Variants in HSDL2 observed in about 807,000 individuals in gnomAD.
HSDL2 encodes hydroxysteroid dehydrogenase-like protein 2.
Under a neutral mutation model 46.3 loss-of-function variants are expected in HSDL2, and 27 were observed. The ratio of observed to expected loss-of-function variants is 0.58; its 90% CI spans 0.43 to 0.80. The LOEUF is 0.80. Ranked by LOEUF, HSDL2 falls within the 30% of genes least tolerant of loss-of-function variation. The pLI, the probability that HSDL2 is intolerant of heterozygous loss-of-function variation, is 0.00. For missense variants in HSDL2, 451 were observed against 502.7 expected, an observed-to-expected ratio of 0.90 and a Z score of 0.98; for synonymous variants, 153 against 163.6, an observed-to-expected ratio of 0.94 and a Z score of 0.50.
chr9:112,438,767 A>T, intron 7 of HSDL2, 142 bp downstream of exon 7: 1 of 560,086 alleles, frequency 1.8e-6, no homozygotes. Context: ...AAGGAAGAAA[A>T]CCCATACCAA....
At chr9:112,436,712 ACTTTT>A (rs1324134535) in intron 6 of HSDL2, among the ~76,000 whole-genome samples, 1 of 152,104 alleles carries the variant, frequency 6.6e-6, no homozygotes, top group Non-Finnish European at 1.5e-5. Context: ...AAATAAATAG[ACTTTT>A]CTTGTTTGAT....
rs542973926 is a variant in HSDL2 at position 112,451,647 on chromosome 9, T to C, written c.866-2366T>C. ...CATGTATATGCATTTGCATATTGTC[T>C]GTCTATACTAGTCAGTTTTCTTTTA... On this transcript the variant is annotated intron_variant, in intron 8 of 10. Coordinates refer to ENST00000398805, the MANE Select transcript of HSDL2 (RefSeq NM_032303.5). 9.2e-5 allele frequency among the ~76,000 whole-genome samples: 14 copies of C among 152,358 alleles called. No individual in the cohort carries two copies. In the South Asian group the frequency reaches 1.9e-3, roughly 20 times the overall value.
chr9:112,387,233 T>C (rs1420609413), intron 1 of HSDL2, among the ~76,000 whole-genome samples: 2 of 151,926 alleles, frequency 1.3e-5, no homozygotes, highest in African/African-American at 4.8e-5. Flanking sequence ...CTTTTTTTTT[T>C]TTTTGAAACA....
rs56082014 is a variant in HSDL2, at chr9:112,382,941, C to CT, written c.17+2776dup. Among the ~76,000 whole-genome samples, 888 of 138,260 alleles carry CT rather than the reference C, an allele frequency of 6.4e-3. 9 individuals carry two copies. Among genetic ancestry groups the CT allele is most frequent in the African/African-American group, 0.02 (749 of 37,522 alleles). The allele number at this position is 138,260 out of a possible 152,430, so 90.7% of individuals were successfully genotyped here. ...TTGCATTTTTGAGTTAAACCAAGAT[C>CT]TTTTTTTTTTTTTTTGAGATGGAGT... On this transcript the variant is annotated intron_variant, in intron 1 of 10. Transcript: ENST00000398805.
intron 10 of HSDL2, among the ~76,000 whole-genome samples, chr9:112,465,602 T>TC (rs1231874971): frequency 6.6e-6 from 1 of 152,234 alleles, no homozygotes; most frequent in Non-Finnish European, 1.5e-5. Flanking sequence ...ATCTGCTTTT[T>TC]CTCTATTGAT....
chr9:112,421,374 A>T (rs1373097077), intron 6 of HSDL2, among the ~76,000 whole-genome samples: 1 of 152,048 alleles, frequency 6.6e-6, no homozygotes, highest in African/African-American at 2.4e-5. Flanking sequence ...ACTTGATTAT[A>T]CTCACATTGG....
At chr9:112,381,481 G>GTAGC (rs1282044764) in intron 1 of HSDL2, among the ~76,000 whole-genome samples, 2 of 152,114 alleles carry the variant, frequency 1.3e-5, no homozygotes, top group Admixed American at 1.3e-4. Context: ...AGCCTCCCGA[G>GTAGC]TAGCTGGGAC....
Position 112,454,074 on chromosome 9 carries a change from T to A in HSDL2, c.927T>A (p.Ala309=). 1.9e-6 allele frequency: 3 copies of A among 1,614,014 alleles called. No homozygotes were observed. The highest frequency in any genetic ancestry group is 2.5e-6 in the Non-Finnish European group (3 of 1,179,848). Reference sequence around the variant, plus strand: ...TGCAACCAAAACCACGTTCTGGAGCTGTGGAAGAAACATTTAGAATTGTTA... The same window carrying A: ...TGCAACCAAAACCACGTTCTGGAGCAGTGGAAGAAACATTTAGAATTGTTA... The part of the protein sequence containing the change: ...LQLQPKPRSG[A]VEETFRIVKD... The change falls in exon 9 of 11, where the codon GCT becomes GCA. Residue 309 remains alanine, a synonymous_variant. Coordinates refer to ENST00000398805, the MANE Select transcript of HSDL2 (RefSeq NM_032303.5).
intron 10 of HSDL2, among the ~76,000 whole-genome samples, chr9:112,463,648 T>C (rs1833281083): frequency 6.6e-6 from 1 of 150,874 alleles, no homozygotes; most frequent in South Asian, 2.1e-4. Context: ...TGTAGTGGTA[T>C]CTCATATGTT....
At chr9:112,421,922 A>G (rs1214638390) in intron 6 of HSDL2, among the ~76,000 whole-genome samples, 1 of 152,172 alleles carries the variant, frequency 6.6e-6, no homozygotes, top group Non-Finnish European at 1.5e-5. Flanking sequence ...CTTGTGAAAG[A>G]CTGTTCTCTC....
chr9:112,421,371 T>C (rs945999005), intron 6 of HSDL2, among the ~76,000 whole-genome samples: 3 of 152,108 alleles, frequency 2.0e-5, no homozygotes, highest in Non-Finnish European at 4.4e-5. Flanking sequence ...GAAACTTGAT[T>C]ATACTCACAT....
Position 112,417,881 on chromosome 9 carries a change from C to T in HSDL2, c.499+937C>T, listed in dbSNP as rs150931321. ...TCACTTGAGGTCAGGAGTTTGAGAC[C>T]AGCCTGGCCAACATAGTGAAACTCC... On this transcript the variant is annotated intron_variant, in intron 5 of 10. Coordinates refer to ENST00000398805, the MANE Select transcript of HSDL2 (RefSeq NM_032303.5). Among the ~76,000 whole-genome samples, 1,092 of 151,512 alleles carry T rather than the reference C, an allele frequency of 7.2e-3. 4 individuals carry two copies. The highest frequency in any genetic ancestry group is 0.012 in the Non-Finnish European group (814 of 67,962).
intron 8 of HSDL2, among the ~76,000 whole-genome samples, chr9:112,445,738 G>A (rs1344111803): frequency 6.6e-6 from 1 of 152,058 alleles, no homozygotes; most frequent in East Asian, 1.9e-4. Context: ...TAGCCAGTCT[G>A]GTCTCAAACT....
Position 112,380,193 on chromosome 9 carries a change from G to A in HSDL2, c.17+13G>A, listed in dbSNP as rs1183643330. On this transcript the variant is annotated intron_variant, in intron 1 of 10. Transcript: ENST00000398805. ...TACCCAACACCGGGTAAGGGGGTAGGGGCGGCGCGGGGAGAGACCCTGTCG... is the reference window on the plus strand; with the variant it reads ...TACCCAACACCGGGTAAGGGGGTAGAGGCGGCGCGGGGAGAGACCCTGTCG... 6.4e-7 allele frequency: 1 copy of A among 1,564,204 alleles called. No homozygotes were observed. Among genetic ancestry groups the A allele is most frequent in the East Asian group, 2.4e-5 (1 of 42,080 alleles).
intron 4 of HSDL2, among the ~76,000 whole-genome samples, chr9:112,410,736 A>G (rs117926819): frequency 0.011 from 1,740 of 152,232 alleles, 73 homozygotes; most frequent in East Asian, 0.1. Flanking sequence ...AAACCAGCCT[A>G]GACAACATGG....
At chr9:112,410,520 TA>T (rs149279094) in intron 4 of HSDL2, among the ~76,000 whole-genome samples, 1,835 of 152,368 alleles carry the variant, frequency 0.012, 42 homozygotes, top group African/African-American at 0.041. Context: ...ATGTCTAAGT[TA>T]TTAAGTTAGA....
At chr9:112,388,855 G>A (rs372898733) in intron 1 of HSDL2, among the ~76,000 whole-genome samples, 8 of 150,610 alleles carry the variant, frequency 5.3e-5, no homozygotes, top group African/African-American at 7.5e-5. Context: ...CTGCAAAAAT[G>A]TTCTAGATTA....
chr9:112,383,550 G>T (rs1039502568), intron 1 of HSDL2, among the ~76,000 whole-genome samples: 8 of 151,960 alleles, frequency 5.3e-5, no homozygotes, highest in Non-Finnish European at 1.0e-4. Flanking sequence ...CTGCTCATTT[G>T]TCCTAGCAGC....
rs139843817 is a variant in HSDL2 at position 112,459,102 on chromosome 9, G to A, written c.1016-347G>A. 2.9e-3 allele frequency among the ~76,000 whole-genome samples: 448 copies of A among 152,292 alleles called. 4 individuals carry two copies. The highest frequency in any genetic ancestry group is 0.014 in the Middle Eastern group (4 of 294). ...AGTGAAACTCTGTACCCATTAAACA[G>A]TTAACTCCCATTCCCCATCCCCCAG... On this transcript the variant is annotated intron_variant, in intron 9 of 10. Coordinates refer to ENST00000398805, the MANE Select transcript of HSDL2 (RefSeq NM_032303.5).
Sources: allele counts gnomAD v4.1 joint callset (sites outside exome capture counted in the v4.1 genomes callset), GRCh38; gene constraint gnomAD v4.1.1; transcripts MANE v1.5; gene names NCBI Gene and HGNC (gene_info 2026-07-23, HGNC 2026-07-21).